ACSS2: variants seen among roughly 807,000 people sequenced by gnomAD.
ACSS2 encodes acetyl-coenzyme A synthetase, cytoplasmic.
Under a neutral mutation model 90.6 loss-of-function variants are expected in ACSS2, and 58 were observed. The ratio of observed to expected loss-of-function variants is 0.64; its 90% CI spans 0.52 to 0.80. The LOEUF is 0.80. ACSS2 is among the 30% of genes least tolerant of loss of function. ACSS2 has a pLI of 0.00. For synonymous variants in ACSS2, 300 were observed against 330.9 expected (o/e 0.91, Z 1.01); for missense variants, 759 against 912.0 (o/e 0.83, Z 2.16).
At chr20:34,891,790 C>G (rs1211002079) in intron 2 of ACSS2, among the ~76,000 whole-genome samples, 2 of 152,130 alleles carry the variant, frequency 1.3e-5, no homozygotes. Context: ...TGACACTTTA[C>G]AGAACACCTC....
chr20:34,898,960 C>T (rs6058138), intron 2 of ACSS2, among the ~76,000 whole-genome samples: 4 of 152,350 alleles, frequency 2.6e-5, no homozygotes, highest in African/African-American at 9.6e-5. Context: ...GGGAAGGCAG[C>T]TAAGGCCTGG....
chr20:34,923,050 T>G, intron 13 of ACSS2: 1 of 352,686 alleles, frequency 2.8e-6, no homozygotes, highest in Non-Finnish European at 5.3e-6. Flanking sequence ...GCAATTTCCA[T>G]ATACTATTAA....
chr20:34,898,190 G>C (rs1369949724), intron 2 of ACSS2, among the ~76,000 whole-genome samples: 1 of 152,180 alleles, frequency 6.6e-6, no homozygotes, highest in Admixed American at 6.5e-5. Context: ...AAGAGCAAAA[G>C]AACAAAGCTT....
intron 1 of ACSS2, among the ~76,000 whole-genome samples, chr20:34,877,786 T>C (rs2079954167): frequency 7.9e-6 from 1 of 126,032 alleles, no homozygotes; most frequent in Non-Finnish European, 1.6e-5. Flanking sequence ...ACCACTGCAC[T>C]CCAGCCTGGG....
chr20:34,879,518 CA>C lies in ACSS2; in HGVS notation c.178+2696del, dbSNP rs1383134352. On this transcript the variant is annotated intron_variant, in intron 1 of 17. Coordinates refer to ENST00000360596, the MANE Select transcript of ACSS2 (RefSeq NM_018677.4). ...TCTGACACACACACACACACACACA[CA>C]CACACACACCCCTACCCCCCCCAAA... Among the ~76,000 whole-genome samples, 54 of 112,604 alleles carry C rather than the reference CA, an allele frequency of 4.8e-4. No individual in the cohort carries two copies. In the East Asian group the frequency reaches 6.6e-3, roughly 14 times the overall value. The allele number at this position is 112,604 out of a possible 152,430, so 73.9% of individuals were successfully genotyped here. A position where few individuals can be genotyped will look rare whatever the true frequency, so the allele number is the denominator to read the frequency against.
chr20:34,876,903 G>T (rs1044151866), intron 1 of ACSS2, 80 bp downstream of exon 1: 1 of 945,452 alleles, frequency 1.1e-6, no homozygotes, highest in Non-Finnish European at 1.4e-6. Context: ...GGGCTCCCTT[G>T]GGAAGCTGAG....
At chr20:34,919,353 T>G in intron 7 of ACSS2, 82 bp from the exon 8 acceptor site, 1 of 1,577,090 alleles carries the variant, frequency 6.3e-7, no homozygotes, top group South Asian at 1.2e-5. Flanking sequence ...CTGTCCCACC[T>G]CATTCCCTCC....
chr20:34,924,935 C>T (rs1248032151), intron 14 of ACSS2, among the ~76,000 whole-genome samples: 1 of 152,030 alleles, frequency 6.6e-6, no homozygotes, highest in East Asian at 1.9e-4. Context: ...CCTGATCCAC[C>T]CACCTTGGCC....
intron 2 of ACSS2, among the ~76,000 whole-genome samples, chr20:34,900,312 G>C (rs1408274767): frequency 4.0e-5 from 6 of 151,030 alleles, no homozygotes; most frequent in African/African-American, 1.2e-4. Context: ...TGCGACTACA[G>C]GTGCGTGCCA....
Position 34,923,814 on chromosome 20 carries a change from C to T in ACSS2, c.1657+383C>T, listed in dbSNP as rs1231100420. Among the ~76,000 whole-genome samples, 5 of 143,772 alleles carry T rather than the reference C, an allele frequency of 3.5e-5. No individual in the cohort carries two copies. In the East Asian group the frequency reaches 8.9e-4, roughly 26 times the overall value. The allele number at this position is 143,772 out of a possible 152,430, so 94.3% of individuals were successfully genotyped here. ...ATGAGGGATCTGTCCCCCCCGCCCC[C>T]CCCACCTCCCCGGCCTTGACCAAAA... is the stretch of plus-strand genomic sequence containing the variant. On this transcript the variant is annotated intron_variant, in intron 14 of 17. Transcript: ENST00000360596.
chr20:34,883,022 T>C (rs2080104112), intron 2 of ACSS2, 33 bp downstream of exon 2: 1 of 1,529,902 alleles, frequency 6.5e-7, no homozygotes, highest in African/African-American at 1.4e-5. Flanking sequence ...TGGTGGCAGA[T>C]AAAAACACTC....
intron 1 of ACSS2, among the ~76,000 whole-genome samples, chr20:34,881,105 C>T (rs2080062718): frequency 7.0e-6 from 1 of 142,612 alleles, no homozygotes; most frequent in Admixed American, 7.4e-5. Context: ...CAACTCACTG[C>T]AACCTCCACC....
At chr20:34,912,544 A>C (rs2080985450) in intron 2 of ACSS2, 1 of 160,974 alleles carries the variant, frequency 6.2e-6, no homozygotes, top group South Asian at 1.7e-4. Context: ...TGGCCTTCCA[A>C]AGTGCTGGGA....
chr20:34,919,341 G>C, intron 7 of ACSS2, 94 bp from the exon 8 acceptor site: 1 of 1,559,360 alleles, frequency 6.4e-7, no homozygotes, highest in South Asian at 1.2e-5. Context: ...ACTCCTACCT[G>C]CCTGTCCCAC....
At chr20:34,899,423 T>TTTCTTTCTCTTTCTTTCCTTCCTTCC (rs1491564858) in intron 2 of ACSS2, among the ~76,000 whole-genome samples, 76 of 113,064 alleles carry the variant, frequency 6.7e-4, no homozygotes, top group African/African-American at 2.3e-3. Context: ...TCTTTCTTTC[T>TTTCTTTCTCTTTCTTTCCTTCCTTCC]TTCCTTCCTT....
At chr20:34,906,541 G>A (rs994354850) in intron 2 of ACSS2, among the ~76,000 whole-genome samples, 12 of 147,702 alleles carry the variant, frequency 8.1e-5, no homozygotes, top group Non-Finnish European at 1.6e-4. Context: ...GCACACTGTG[G>A]TGTGTGTGTG....
At chr20:34,875,572 A>G (rs569338001), upstream of ACSS2, among the ~76,000 whole-genome samples, 44 of 152,338 alleles carry the variant, frequency 2.9e-4, no homozygotes, top group African/African-American at 1.0e-3. Context: ...CTCCATCTCA[A>G]AACAAAAACA....
chr20:34,923,801 T>TACCCC (rs2081253773), intron 14 of ACSS2, among the ~76,000 whole-genome samples: 1 of 107,124 alleles, frequency 9.3e-6, no homozygotes. Context: ...GAGGGATCTG[T>TACCCC]CCCCCCCGCC....
In ACSS2 at chr20:34,914,296, A is replaced by G. The variant is rs779708551; in HGVS notation, c.720-27A>G. On this transcript the variant is annotated intron_variant, in intron 6 of 17. Transcript: ENST00000360596. ...AAGTTCCCTTTGAGCCAACAAGGCT[A>G]CCACTTTAGGCTTTTCTCTTCTCCA... 10 of 1,608,010 alleles carry G rather than the reference A, an allele frequency of 6.2e-6. No individual in the cohort carries two copies. The Admixed American group carries it at 1.5e-4, about 24-fold the overall frequency.
Sources: gnomAD v4.1 joint callset for allele counts (sites outside exome capture counted in the v4.1 genomes callset) on GRCh38, gnomAD v4.1.1 for gene constraint, MANE v1.5 for transcripts, NCBI Gene and HGNC (gene_info 2026-07-23, HGNC 2026-07-21) for gene names.